The following KIRREL3 variants were observed in gnomAD, a reference collection of about 807,000 sequenced individuals.
KIRREL3 encodes the protein kin of IRRE-like protein 3.
Under a neutral mutation model 89.7 loss-of-function variants are expected in KIRREL3, and 36 were observed. That is an observed-to-expected ratio of 0.40 (90% CI 0.31 to 0.53). KIRREL3 has a LOEUF of 0.53. Ranked by LOEUF, KIRREL3 falls within the 20% of genes least tolerant of loss-of-function variation. The probability of loss-of-function intolerance (pLI) is 0.49; values close to 1 mark genes in which losing one functional copy is unlikely to be tolerated. For synonymous variants in KIRREL3, 445 were observed against 441.4 expected (o/e 1.01, Z -0.10); for missense variants, 864 against 1,056.6 (o/e 0.82, Z 2.53).
chr11:126,625,458 C>T (rs2078378995), intron 1 of KIRREL3, among the ~76,000 whole-genome samples: 1 of 152,146 alleles, frequency 6.6e-6, no homozygotes, highest in Admixed American at 6.5e-5. Context: ...TGCAGACTGC[C>T]CAATCTTTCC....
Position 126,788,957 on chromosome 11 carries a change from C to T in KIRREL3, c.55+211498G>A, listed in dbSNP as rs1023433653. On this transcript the variant is annotated intron_variant, in intron 1 of 16. Transcript: ENST00000525144. The surrounding 1 kb of genome is among the most constrained non-coding windows in gnomAD (Gnocchi z 4.1). ...GTGTGAGGCTGGGCACCTAGTCAAACAAATCCCTGTCAAGATTTCTTTGAC... is the reference window on the plus strand; with the variant it reads ...GTGTGAGGCTGGGCACCTAGTCAAATAAATCCCTGTCAAGATTTCTTTGAC... Among the ~76,000 whole-genome samples, 5 of 152,168 alleles carry T rather than the reference C, an allele frequency of 3.3e-5. No individual in the cohort carries two copies. The highest frequency in any genetic ancestry group is 1.5e-5 in the Non-Finnish European group (1 of 68,024).
Position 126,723,985 on chromosome 11 carries a change from A to T in KIRREL3, c.56-161073T>A, listed in dbSNP as rs1948278066. 6.6e-6 allele frequency among the ~76,000 whole-genome samples: 1 copy of T among 152,220 alleles called. No individual in the cohort carries two copies. Among genetic ancestry groups the T allele is most frequent in the South Asian group, 2.1e-4 (1 of 4,826 alleles). Reference sequence around the variant, plus strand: ...TCTGATTGCTTTCATAAGCTCCATGATGATTAAAAGAAGTGTAGGCAGCTC... The same window carrying T: ...TCTGATTGCTTTCATAAGCTCCATGTTGATTAAAAGAAGTGTAGGCAGCTC... On this transcript the variant is annotated intron_variant, in intron 1 of 16. Coordinates refer to ENST00000525144, the MANE Select transcript of KIRREL3 (RefSeq NM_032531.4). This position sits in a 1 kb window ranked among gnomAD's most constrained non-coding sequence, Gnocchi z 4.0.
intron 1 of KIRREL3, among the ~76,000 whole-genome samples, chr11:126,928,544 G>C (rs569873650): frequency 9.9e-5 from 15 of 152,114 alleles, no homozygotes; most frequent in Non-Finnish European, 2.1e-4. Context: ...TCATGAGCTG[G>C]AGGCTGAAGC....
chr11:126,874,026 C>T (rs1189993179), intron 1 of KIRREL3, among the ~76,000 whole-genome samples: 1 of 152,202 alleles, frequency 6.6e-6, no homozygotes, highest in African/African-American at 2.4e-5. Flanking sequence ...CACATCTTTG[C>T]ACCTCCCCTT....
chr11:126,885,421 A>T (rs1325044279), intron 1 of KIRREL3, among the ~76,000 whole-genome samples: 1 of 152,220 alleles, frequency 6.6e-6, no homozygotes, highest in Non-Finnish European at 1.5e-5. Flanking sequence ...TTTCAGGCGT[A>T]TGTTTATCAA....
intron 1 of KIRREL3, among the ~76,000 whole-genome samples, chr11:126,573,225 C>A (rs1051664544): frequency 2.0e-5 from 3 of 152,162 alleles, no homozygotes; most frequent in African/African-American, 7.2e-5. Context: ...CGTTGCCTCG[C>A]GGGGTGGGTC....
At chr11:126,722,721 T>C (rs1249787843) in intron 1 of KIRREL3, among the ~76,000 whole-genome samples, 1 of 152,274 alleles carries the variant, frequency 6.6e-6, no homozygotes, top group East Asian at 1.9e-4. Context: ...ATGTACTTTA[T>C]GTCTTCCCCA....
chr11:126,681,627 C>CA (rs1555174696), intron 1 of KIRREL3, among the ~76,000 whole-genome samples: 1 of 149,948 alleles, frequency 6.7e-6, no homozygotes, highest in Non-Finnish European at 1.5e-5. Flanking sequence ...CACACACACA[C>CA]CAGATCAAGC....
Position 126,664,761 on chromosome 11 carries a change from C to T in KIRREL3, c.56-101849G>A, listed in dbSNP as rs989153607. ...CTGGGAGGCTGTTTCAATGACATCT[C>T]ATAGAGACACTTTCCTTTCTAACCC... On this transcript the variant is annotated intron_variant, in intron 1 of 16. Coordinates refer to ENST00000525144, the MANE Select transcript of KIRREL3 (RefSeq NM_032531.4). The surrounding 1 kb of genome is among the most constrained non-coding windows in gnomAD (Gnocchi z 5.4). Among the ~76,000 whole-genome samples the T allele has an allele frequency of 6.6e-6, 1 of 152,144 alleles. No homozygotes were observed. The highest frequency in any genetic ancestry group is 1.5e-5 in the Non-Finnish European group (1 of 68,022).
Position 126,891,939 on chromosome 11 carries a change from A to G in KIRREL3, c.55+108516T>C, listed in dbSNP as rs1217027482. On this transcript the variant is annotated intron_variant, in intron 1 of 16. Transcript: ENST00000525144. The surrounding 1 kb of genome is among the most constrained non-coding windows in gnomAD (Gnocchi z 5.1). ...TGCAAAAACAAAGTTGGGGTTTGATATCTTTCAGGAAGCCTAGGAATTCTA... is the reference window on the plus strand; with the variant it reads ...TGCAAAAACAAAGTTGGGGTTTGATGTCTTTCAGGAAGCCTAGGAATTCTA... Among the ~76,000 whole-genome samples, 2 of 152,210 alleles carry G rather than the reference A, an allele frequency of 1.3e-5. No individual in the cohort carries two copies. Among genetic ancestry groups the G allele is most frequent in the Non-Finnish European group, 2.9e-5 (2 of 68,032 alleles).
At position 126,909,947 on chromosome 11, in the gene KIRREL3, C is replaced by G. The variant is rs188003385; in HGVS notation, c.55+90508G>C. 1.3e-5 allele frequency among the ~76,000 whole-genome samples: 2 copies of G among 152,146 alleles called. No homozygotes were observed. The highest frequency in any genetic ancestry group is 4.8e-5 in the African/African-American group (2 of 41,496). On this transcript the variant is annotated intron_variant, in intron 1 of 16. Transcript: ENST00000525144. The surrounding 1 kb of genome is among the most constrained non-coding windows in gnomAD (Gnocchi z 4.5). ...TGTATTAACTGAAGATGACAGGGAG[C>G]GAGGGATGGAAAGCGGGCAATTTGT...
rs1381690663 is a variant in KIRREL3 at position 126,477,921 on chromosome 11, C to T, written c.434-4455G>A. ...CCCTTTGGAGAGCAAGACTGGTTCT[C>T]ATTTGACTCAATGAGCAGCGAGTTC... On this transcript the variant is annotated intron_variant, in intron 4 of 16. Coordinates refer to ENST00000525144, the MANE Select transcript of KIRREL3 (RefSeq NM_032531.4). This position sits in a 1 kb window ranked among gnomAD's most constrained non-coding sequence, Gnocchi z 4.8. 1.3e-5 allele frequency among the ~76,000 whole-genome samples: 2 copies of T among 152,210 alleles called. No individual in the cohort carries two copies. Among genetic ancestry groups the T allele is most frequent in the Non-Finnish European group, 2.9e-5 (2 of 68,026 alleles).
chr11:126,534,510 C>T (rs1347374606), intron 2 of KIRREL3, among the ~76,000 whole-genome samples: 1 of 152,152 alleles, frequency 6.6e-6, no homozygotes, highest in Non-Finnish European at 1.5e-5. Flanking sequence ...GGAGGCTCTG[C>T]GGGGCAGGGT....
chr11:126,850,912 C>A (rs1453298357), intron 1 of KIRREL3, among the ~76,000 whole-genome samples: 4 of 152,158 alleles, frequency 2.6e-5, no homozygotes, highest in Admixed American at 1.3e-4. Flanking sequence ...AAAAGACTAA[C>A]AGTTACCGGA....
chr11:126,435,430 C>T lies in KIRREL3; in HGVS notation c.1553-127G>A. 3 of 892,522 alleles carry T rather than the reference C, an allele frequency of 3.4e-6. No homozygotes were observed. In the South Asian group the frequency reaches 4.3e-5, roughly 13 times the overall value. The allele number at this position is 892,522 out of a possible 1,614,324, so 55.3% of individuals were successfully genotyped here. A position where few individuals can be genotyped will look rare whatever the true frequency, so the allele number is the denominator to read the frequency against. ...TTTCCCAGTCATGTCTCTGGGACCC[C>T]CCAACAGATCCAGGCTAGCCCAGCT... is the stretch of plus-strand genomic sequence containing the variant. On this transcript the variant is annotated intron_variant, in intron 12 of 16. Coordinates refer to ENST00000525144, the MANE Select transcript of KIRREL3 (RefSeq NM_032531.4).
chr11:126,800,448 A>G (rs1950995773), intron 1 of KIRREL3, among the ~76,000 whole-genome samples: 1 of 152,190 alleles, frequency 6.6e-6, no homozygotes, highest in South Asian at 2.1e-4. Flanking sequence ...TCATTAGGGC[A>G]TTAGCATAAG....
chr11:126,450,899 G>GTC (rs1174660812), intron 7 of KIRREL3, among the ~76,000 whole-genome samples: 1 of 150,998 alleles, frequency 6.6e-6, no homozygotes, highest in Admixed American at 6.6e-5. Flanking sequence ...GTGCGTGTGT[G>GTC]CATGTGCGTG....
rs1328173586 is a variant in KIRREL3 at position 126,656,855 on chromosome 11, C to A, written c.56-93943G>T. ...TCGCTTGGGGCTGGGAGTCCCAGAC[C>A]AGCCTGGCTGTCGTGGTGGGACCCC... On this transcript the variant is annotated intron_variant, in intron 1 of 16. Transcript: ENST00000525144. This position sits in a 1 kb window ranked among gnomAD's most constrained non-coding sequence, Gnocchi z 4.0. Among the ~76,000 whole-genome samples the A allele has an allele frequency of 6.6e-6, 1 of 152,108 alleles. No individual in the cohort carries two copies. Among genetic ancestry groups the A allele is most frequent in the Non-Finnish European group, 1.5e-5 (1 of 68,010 alleles).
intron 1 of KIRREL3, among the ~76,000 whole-genome samples, chr11:126,590,715 G>C (rs1388599304): frequency 6.6e-6 from 1 of 152,146 alleles, no homozygotes; most frequent in Non-Finnish European, 1.5e-5. Context: ...CTGTGCCTGT[G>C]GGGGCTGCTG....
Sources: allele counts gnomAD v4.1 joint callset (sites outside exome capture counted in the v4.1 genomes callset), GRCh38; gene constraint gnomAD v4.1.1; non-coding constraint Gnocchi (gnomAD v3.1); transcripts MANE v1.5; gene names NCBI Gene and HGNC (gene_info 2026-07-23, HGNC 2026-07-21).